PCDHGB3: variants seen among roughly 807,000 people sequenced by gnomAD.
PCDHGB3 encodes the protein protocadherin gamma-B3.
Under a neutral mutation model 59.2 loss-of-function variants are expected in PCDHGB3, and 40 were observed. The observed-to-expected ratio is 0.68, with a 90% confidence interval of 0.52 to 0.88. The LOEUF (loss-of-function observed/expected upper bound fraction) is 0.88, where lower values mean the gene tolerates loss of function less well. Among genes scored for constraint, PCDHGB3 ranks in the 40% least tolerant of loss-of-function variants. The pLI is 0.00. For missense variants in PCDHGB3, 1,309 were observed against 1,187.9 expected (o/e 1.10, Z -1.50); for synonymous variants, 581 against 503.6 (o/e 1.15, Z -2.06).
intron 1 of PCDHGB3, among the ~76,000 whole-genome samples, chr5:141,454,195 T>C (rs1295815862): frequency 6.6e-6 from 1 of 152,136 alleles, no homozygotes; most frequent in Admixed American, 6.6e-5. Context: ...TTAGTGAAGG[T>C]GAATTTATTG....
chr5:141,511,320 A>G lies in PCDHGB3; in HGVS notation c.*147A>G. ...CATGCTCCCCTTGGGAAACAGAAAC[A>G]AGTGCCCAGTCAGCACCTACCCCTT... On this transcript the variant is annotated 3_prime_UTR_variant, in exon 4 of 4. Transcript: ENST00000576222. 6.8e-7 allele frequency: 1 copy of G among 1,475,678 alleles called. No homozygotes were observed. The highest frequency in any genetic ancestry group is 1.4e-5 in the South Asian group (1 of 72,746). 91.4% of individuals were successfully genotyped at this position (1,475,678 alleles called of 1,614,324 possible).
chr5:141,384,958 T>C, intron 1 of PCDHGB3: 1 of 1,613,954 alleles, frequency 6.2e-7, no homozygotes, highest in Non-Finnish European at 8.5e-7. Flanking sequence ...TCCTTACAAC[T>C]ATGACCTCAC....
rs745457172 is a variant in PCDHGB3 at position 141,490,744 on chromosome 5, C to T, written c.2416-4063C>T. The stretch of plus-strand genomic sequence containing the variant: ...TGTAGGAAATCAGGTTCAGGGAGCC[C>T]CAGCCTCCTCCTTTGTGTATGTCAA... On this transcript the variant is annotated intron_variant, in intron 1 of 3. Coordinates refer to ENST00000576222, the MANE Select transcript of PCDHGB3 (RefSeq NM_018924.5). The surrounding 1 kb of genome is among the most constrained non-coding windows in gnomAD (Gnocchi z 5.4). 1 of 1,614,142 alleles carries T rather than the reference C, an allele frequency of 6.2e-7. No homozygotes were observed. Among genetic ancestry groups the T allele is most frequent in the Non-Finnish European group, 8.5e-7 (1 of 1,180,006 alleles).
Position 141,491,307 on chromosome 5 carries a change from C to CCTTA in PCDHGB3, c.2416-3498_2416-3495dup. On this transcript the variant is annotated intron_variant, in intron 1 of 3. Transcript: ENST00000576222. The surrounding 1 kb of genome is among the most constrained non-coding windows in gnomAD (Gnocchi z 6.9). ...TCATACACCCTCCTGAGCGTTCAGA[C>CCTTA]CTTACCCTTTACCTCATTGTGGCTC... 1 of 1,614,152 alleles carries CCTTA rather than the reference C, an allele frequency of 6.2e-7. No individual in the cohort carries two copies. Among genetic ancestry groups the CCTTA allele is most frequent in the Non-Finnish European group, 8.5e-7 (1 of 1,179,986 alleles).
chr5:141,489,775 T>C lies in PCDHGB3; in HGVS notation c.2416-5032T>C, dbSNP rs748163008. The C allele has an allele frequency of 6.2e-7, 1 of 1,614,110 alleles. No homozygotes were observed. The highest frequency in any genetic ancestry group is 8.5e-7 in the Non-Finnish European group (1 of 1,179,986). Reference sequence around the variant, plus strand: ...CACTCTAAGCCCCAACAGCCACTTCTCTCTGAATGTGAAGACCCTAAAAGA... The same window carrying C: ...CACTCTAAGCCCCAACAGCCACTTCCCTCTGAATGTGAAGACCCTAAAAGA... On this transcript the variant is annotated intron_variant, in intron 1 of 3. Coordinates refer to ENST00000576222, the MANE Select transcript of PCDHGB3 (RefSeq NM_018924.5). This position sits in a 1 kb window ranked among gnomAD's most constrained non-coding sequence, Gnocchi z 4.5.
chr5:141,375,826 C>T (rs1771941269), intron 1 of PCDHGB3: 2 of 1,614,166 alleles, frequency 1.2e-6, no homozygotes, highest in South Asian at 1.1e-5. Context: ...CGCCCCGCTC[C>T]GCAGAGCCCG....
intron 1 of PCDHGB3, chr5:141,415,164 G>A: frequency 1.9e-6 from 3 of 1,613,838 alleles, no homozygotes; most frequent in African/African-American, 2.7e-5. Flanking sequence ...CCACTGTCAC[G>A]CTCACCGTGG....
intron 1 of PCDHGB3, chr5:141,441,470 C>G (rs1170727138): frequency 5.9e-6 from 1 of 168,868 alleles, no homozygotes; most frequent in East Asian, 1.9e-4. Context: ...ATTGGCGATG[C>G]CAACGACAAT....
At chr5:141,428,155 G>A (rs767716956) in intron 1 of PCDHGB3, 7 of 1,581,618 alleles carry the variant, frequency 4.4e-6, no homozygotes, top group East Asian at 2.2e-5. Flanking sequence ...ACGGGAACCT[G>A]CTGGTTGCTG....
chr5:141,376,417 G>A (rs750081761), intron 1 of PCDHGB3: 30 of 1,614,148 alleles, frequency 1.9e-5, no homozygotes, highest in Non-Finnish European at 2.5e-5. Context: ...ATGCCGACAC[G>A]CTTATCAACC....
chr5:141,491,227 C>T lies in PCDHGB3; in HGVS notation c.2416-3580C>T. 6.2e-7 allele frequency: 1 copy of T among 1,614,216 alleles called. No homozygotes were observed. The highest frequency in any genetic ancestry group is 8.5e-7 in the Non-Finnish European group (1 of 1,180,018). On this transcript the variant is annotated intron_variant, in intron 1 of 3. Coordinates refer to ENST00000576222, the MANE Select transcript of PCDHGB3 (RefSeq NM_018924.5). The surrounding 1 kb of genome is among the most constrained non-coding windows in gnomAD (Gnocchi z 6.9). Reference sequence around the variant, plus strand: ...TTCACTCTCCTCCACAGCCACAGTGCTGCTGGTTCTGGAGGATGAGGACCC... The same window carrying T: ...TTCACTCTCCTCCACAGCCACAGTGTTGCTGGTTCTGGAGGATGAGGACCC...
At chr5:141,447,719 C>T (rs1333017511) in intron 1 of PCDHGB3, among the ~76,000 whole-genome samples, 2 of 152,226 alleles carry the variant, frequency 1.3e-5, no homozygotes, top group East Asian at 3.9e-4. Context: ...TACACATTTT[C>T]CAAAACTCAT....
At chr5:141,410,631 C>A (rs1227907799) in intron 1 of PCDHGB3, 1 of 1,600,936 alleles carries the variant, frequency 6.2e-7, no homozygotes, top group East Asian at 2.2e-5. Context: ...GTGAGTTTCT[C>A]TTTTTTGTGT....
At position 141,487,075 on chromosome 5, in the gene PCDHGB3, C is replaced by T. The variant is rs755563146; in HGVS notation, c.2416-7732C>T. The T allele has an allele frequency of 1.9e-6, 3 of 1,614,116 alleles. No individual in the cohort carries two copies. The highest frequency in any genetic ancestry group is 2.5e-6 in the Non-Finnish European group (3 of 1,179,982). ...GGGAGGTGCGGACGGCTGTTCCTATCCCAGCTGACCTCCCACCACAGAAGC... is the reference window on the plus strand; with the variant it reads ...GGGAGGTGCGGACGGCTGTTCCTATTCCAGCTGACCTCCCACCACAGAAGC... On this transcript the variant is annotated intron_variant, in intron 1 of 3. Transcript: ENST00000576222. This position sits in a 1 kb window ranked among gnomAD's most constrained non-coding sequence, Gnocchi z 5.0.
At chr5:141,484,315 C>T (rs1172379949) in intron 1 of PCDHGB3, among the ~76,000 whole-genome samples, 2 of 152,326 alleles carry the variant, frequency 1.3e-5, no homozygotes, top group African/African-American at 4.8e-5. Context: ...ACCCCGCTTC[C>T]ATACTGTCCT....
At position 141,371,785 on chromosome 5, in the gene PCDHGB3, A is replaced by G. The variant is rs1332853019; in HGVS notation, c.1391A>G (p.Asn464Ser). ...QASYTVHVAE[N>S]NPPGASIAHV... is the part of the protein sequence containing the mutation. ...TCCTACACCGTGCATGTAGCTGAGAACAATCCGCCTGGAGCCTCCATTGCG... is the reference window on the plus strand; with the variant it reads ...TCCTACACCGTGCATGTAGCTGAGAGCAATCCGCCTGGAGCCTCCATTGCG... The change falls in exon 1 of 4, where the codon AAC (asparagine) becomes AGC (serine). Residue 464 changes from asparagine to serine, a missense_variant. Transcript: ENST00000576222. 1 of 1,613,964 alleles carries G rather than the reference A, an allele frequency of 6.2e-7. No individual in the cohort carries two copies. The highest frequency in any genetic ancestry group is 1.7e-5 in the Admixed American group (1 of 60,032).
chr5:141,431,624 G>C lies in PCDHGB3; in HGVS notation c.2415+58815G>C. The C allele has an allele frequency of 2.5e-6, 4 of 1,614,234 alleles. No individual in the cohort carries two copies. Among genetic ancestry groups the C allele is most frequent in the Non-Finnish European group, 3.4e-6 (4 of 1,180,038 alleles). On this transcript the variant is annotated intron_variant, in intron 1 of 3. Transcript: ENST00000576222. This position sits in a 1 kb window ranked among gnomAD's most constrained non-coding sequence, Gnocchi z 4.8. ...CTTCCGGTATGTGGACGACAAGGCG[G>C]CCCAAGTTTTCAAACTAGATTGTAA...
chr5:141,492,998 C>A (rs2154589328), intron 1 of PCDHGB3, among the ~76,000 whole-genome samples: 1 of 152,334 alleles, frequency 6.6e-6, no homozygotes, highest in Admixed American at 6.5e-5. Flanking sequence ...AGATGGAAAG[C>A]TATAGGCTCT....
intron 1 of PCDHGB3, chr5:141,398,054 A>G (rs372627681): frequency 9.0e-5 from 136 of 1,518,912 alleles, no homozygotes; most frequent in Non-Finnish European, 1.0e-4. Context: ...CGGAGATCCA[A>G]AAATCTACAA....
Sources: allele counts gnomAD v4.1 joint callset (sites outside exome capture counted in the v4.1 genomes callset), GRCh38; gene constraint gnomAD v4.1.1; non-coding constraint Gnocchi (gnomAD v3.1); transcripts MANE v1.5; gene names NCBI Gene and HGNC (gene_info 2026-07-23, HGNC 2026-07-21).